The following CTNNA3 variants were observed in gnomAD, a reference collection of about 807,000 sequenced individuals.
The protein encoded by CTNNA3 is catenin alpha 3.
Under a neutral mutation model 95.7 loss-of-function variants are expected in CTNNA3, and 76 were observed. The observed-to-expected ratio is 0.79, with a 90% CI of 0.66 to 0.96. CTNNA3 has a LOEUF of 0.96. Among genes scored for constraint, CTNNA3 ranks in the 40% least tolerant of loss-of-function variants. The pLI is 0.00. For synonymous variants in CTNNA3, 431 were observed against 374.4 expected, an observed-to-expected ratio of 1.15 and a Z score of -1.74; for missense variants, 1,191 against 1,089.8, an observed-to-expected ratio of 1.09 and a Z score of -1.31.
At chr10:67,485,547 C>CTGACCCAT (rs1270155697) in intron 5 of CTNNA3, among the ~76,000 whole-genome samples, 1 of 152,194 alleles carries the variant, frequency 6.6e-6, no homozygotes, top group Non-Finnish European at 1.5e-5. Context: ...AGTGACTATG[C>CTGACCCAT]TGACCCATTT....
intron 7 of CTNNA3, among the ~76,000 whole-genome samples, chr10:66,995,484 T>C (rs1041375777): frequency 1.1e-4 from 17 of 152,220 alleles, no homozygotes; most frequent in African/African-American, 3.9e-4. Flanking sequence ...ATTCACCAAG[T>C]GATCTTTTTA....
At chr10:66,071,524 C>A (rs949457588) in intron 14 of CTNNA3, among the ~76,000 whole-genome samples, 2 of 152,084 alleles carry the variant, frequency 1.3e-5, no homozygotes, top group African/African-American at 4.8e-5. Context: ...GGATGTAAAT[C>A]AGAAAATATA....
intron 13 of CTNNA3, among the ~76,000 whole-genome samples, chr10:66,114,772 G>T (rs536663202): frequency 6.6e-6 from 1 of 151,424 alleles, no homozygotes; most frequent in African/African-American, 2.4e-5. Flanking sequence ...CCAGCTTCTC[G>T]GGAGGCTGAA....
At chr10:67,498,676 AT>A (rs1839120859) in intron 5 of CTNNA3, among the ~76,000 whole-genome samples, 1 of 151,982 alleles carries the variant, frequency 6.6e-6, no homozygotes, top group Admixed American at 6.6e-5. Context: ...ATTCCTAGGT[AT>A]TTTATTCACT....
At chr10:66,363,937 A>T (rs1445598414) in intron 12 of CTNNA3, among the ~76,000 whole-genome samples, 5 of 152,168 alleles carry the variant, frequency 3.3e-5, no homozygotes, top group African/African-American at 1.2e-4. Context: ...CCTCTAAGAG[A>T]TAAGTTTTAT....
At chr10:66,162,310 C>T (rs2084895580) in intron 13 of CTNNA3, among the ~76,000 whole-genome samples, 1 of 152,106 alleles carries the variant, frequency 6.6e-6, no homozygotes, top group South Asian at 2.1e-4. Flanking sequence ...GGTTGCTTTT[C>T]TGGGTCTTTT....
At chr10:66,961,489 G>A (rs1184709007) in intron 7 of CTNNA3, among the ~76,000 whole-genome samples, 1 of 152,036 alleles carries the variant, frequency 6.6e-6, no homozygotes, top group African/African-American at 2.4e-5. Flanking sequence ...ACCTCACTGG[G>A]ACTCTCTTGT....
chr10:66,343,509 GT>G (rs1221983963), intron 12 of CTNNA3, among the ~76,000 whole-genome samples: 2 of 151,866 alleles, frequency 1.3e-5, no homozygotes, highest in Non-Finnish European at 2.9e-5. Flanking sequence ...TTACTCAAAT[GT>G]GGAAGTTAAA....
At chr10:67,394,193 C>T (rs1227743184) in intron 5 of CTNNA3, among the ~76,000 whole-genome samples, 1 of 151,880 alleles carries the variant, frequency 6.6e-6, no homozygotes, top group Non-Finnish European at 1.5e-5. Context: ...TTTCTTCCCT[C>T]ATTCCCTAAT....
At chr10:67,691,650 G>A (rs1458471855) in intron 1 of CTNNA3, among the ~76,000 whole-genome samples, 6 of 151,192 alleles carry the variant, frequency 4.0e-5, no homozygotes, top group East Asian at 2.0e-4. Context: ...GAGCCCCTCC[G>A]CCCGGCAGCC....
At chr10:67,472,389 G>A (rs886251840) in intron 5 of CTNNA3, among the ~76,000 whole-genome samples, 2 of 152,146 alleles carry the variant, frequency 1.3e-5, no homozygotes, top group African/African-American at 4.8e-5. Flanking sequence ...GGTAAAACAA[G>A]AGACAGTGAA....
chr10:67,391,807 G>C (rs1844502522), intron 5 of CTNNA3, among the ~76,000 whole-genome samples: 1 of 151,218 alleles, frequency 6.6e-6, no homozygotes, highest in Non-Finnish European at 1.5e-5. Context: ...AATGGGGAAA[G>C]GATTCCCTGT....
At chr10:67,163,430 C>A (rs1042176814) in intron 7 of CTNNA3, among the ~76,000 whole-genome samples, 1 of 151,894 alleles carries the variant, frequency 6.6e-6, no homozygotes, top group Non-Finnish European at 1.5e-5. Flanking sequence ...ATTTATCACA[C>A]AAACTCTCCA....
chr10:66,699,780 C>T lies in CTNNA3; in HGVS notation c.1281+66484G>A, dbSNP rs189070945. Among the ~76,000 whole-genome samples, 566 of 151,862 alleles carry T rather than the reference C, an allele frequency of 3.7e-3. 9 individuals carry two copies. Among genetic ancestry groups the T allele is most frequent in the African/African-American group, 0.013 (530 of 41,428 alleles). ...TTCAAGCGATTCTCCTGCCTCAGCC[C>T]CCCGAGTAGCTGGGATTACAGGCTT... On this transcript the variant is annotated intron_variant, in intron 9 of 17. Coordinates refer to ENST00000433211, the MANE Select transcript of CTNNA3 (RefSeq NM_013266.4).
intron 9 of CTNNA3, among the ~76,000 whole-genome samples, chr10:66,634,980 C>G (rs1042361545): frequency 6.6e-6 from 1 of 152,062 alleles, no homozygotes; most frequent in Non-Finnish European, 1.5e-5. Flanking sequence ...GTAGACTGCT[C>G]TAAGAGTCCC....
intron 5 of CTNNA3, among the ~76,000 whole-genome samples, chr10:67,238,744 T>C (rs1325633154): frequency 1.3e-5 from 2 of 152,194 alleles, no homozygotes; most frequent in Non-Finnish European, 2.9e-5. Flanking sequence ...CTGGAGATAC[T>C]AGGTCATAGA....
At chr10:67,524,377 G>A (rs1425632483) in intron 4 of CTNNA3, among the ~76,000 whole-genome samples, 3 of 130,078 alleles carry the variant, frequency 2.3e-5, no homozygotes, top group Non-Finnish European at 4.6e-5. Flanking sequence ...CAGCCTGGGC[G>A]ACAGCGAGAC....
At chr10:66,673,979 A>G (rs543346905) in intron 9 of CTNNA3, among the ~76,000 whole-genome samples, 1 of 151,268 alleles carries the variant, frequency 6.6e-6, no homozygotes, top group Non-Finnish European at 1.5e-5. Flanking sequence ...TCTAGATGTG[A>G]GCCTTCTTTC....
chr10:67,466,409 G>A (rs1320892431), intron 5 of CTNNA3, among the ~76,000 whole-genome samples: 5 of 152,146 alleles, frequency 3.3e-5, no homozygotes, highest in African/African-American at 4.8e-5. Flanking sequence ...TAGCAATACT[G>A]TGGTATAATC....
Sources: gnomAD v4.1 joint callset for allele counts (sites outside exome capture counted in the v4.1 genomes callset) on GRCh38, gnomAD v4.1.1 for gene constraint, MANE v1.5 for transcripts, NCBI Gene and HGNC (gene_info 2026-07-23, HGNC 2026-07-21) for gene names.